TP73: variants seen among roughly 807,000 people sequenced by gnomAD.
The protein encoded by TP73 is tumor protein p73, also known as p53-like transcription factor.
A neutral mutation model predicts 62.5 loss-of-function variants in TP73; 25 were observed. The observed-to-expected ratio is 0.40, with a 90% CI of 0.29 to 0.56. TP73 has a LOEUF of 0.56. Among genes scored for constraint, TP73 ranks in the 20% least tolerant of loss-of-function variants. TP73 has a pLI of 0.46. For synonymous variants in TP73, 423 were observed against 377.5 expected (o/e 1.12, Z -1.40); for missense variants, 754 against 913.3 (o/e 0.83, Z 2.25).
intron 7 of TP73, 137 bp from the exon 8 acceptor site, chr1:3,727,491 G>A (rs780773235): frequency 7.0e-6 from 9 of 1,288,486 alleles, no homozygotes; most frequent in Admixed American, 2.2e-5. Flanking sequence ...GGGAACACTC[G>A]CTGCCGGCAC....
chr1:3,710,839 G>A (rs1374361758), intron 4 of TP73, among the ~76,000 whole-genome samples: 2 of 152,224 alleles, frequency 1.3e-5, no homozygotes, highest in East Asian at 1.9e-4. Context: ...ACAGGCATGC[G>A]TGTACATGCA....
In TP73 at chr1:3,735,000, T is replaced by C. The variant is rs1350538386; in HGVS notation, c.*1921T>C. ...TGCCCACGCCCAGGGCATCAGTCAG[T>C]AGCGGCAGCAGCAGCAGACTCGGGG... is the stretch of plus-strand genomic sequence containing the variant. On this transcript the variant is annotated 3_prime_UTR_variant, in exon 14 of 14. Coordinates refer to ENST00000378295, the MANE Select transcript of TP73 (RefSeq NM_005427.4). The surrounding 1 kb of genome is among the most constrained non-coding windows in gnomAD (Gnocchi z 4.4). 1 of 152,348 alleles carries C rather than the reference T, an allele frequency of 6.6e-6. No individual in the cohort carries two copies. Among genetic ancestry groups the C allele is most frequent in the East Asian group, 1.9e-4 (1 of 5,198 alleles). 9.4% of individuals were successfully genotyped at this position (152,348 alleles called of 1,614,324 possible). A position where few individuals can be genotyped will look rare whatever the true frequency, so the allele number is the denominator to read the frequency against.
intron 3 of TP73, 55 bp downstream of exon 3, chr1:3,683,235 G>C: frequency 6.4e-7 from 1 of 1,551,698 alleles, no homozygotes; most frequent in Non-Finnish European, 8.8e-7. Context: ...AACAAATGTG[G>C]CCTGTCCTGT....
chr1:3,699,199 G>A lies in TP73; in HGVS notation c.187-8350G>A, dbSNP rs778537773. Among the ~76,000 whole-genome samples, 15 of 152,142 alleles carry A rather than the reference G, an allele frequency of 9.9e-5. No individual in the cohort carries two copies. Among genetic ancestry groups the A allele is most frequent in the Non-Finnish European group, 1.8e-4 (12 of 68,022 alleles). ...TTCCATTCGTTTAATCACGGGCTCC[G>A]GGAGATGCTGTGGGAAGTACCGGCA... On this transcript the variant is annotated intron_variant, in intron 3 of 13. Coordinates refer to ENST00000378295, the MANE Select transcript of TP73 (RefSeq NM_005427.4). The surrounding 1 kb of genome is among the most constrained non-coding windows in gnomAD (Gnocchi z 4.1).
chr1:3,666,164 G>T lies in TP73; in HGVS notation c.-34+13523G>T, dbSNP rs1401556921. Among the ~76,000 whole-genome samples, 2 of 146,950 alleles carry T rather than the reference G, an allele frequency of 1.4e-5. No homozygotes were observed. Among genetic ancestry groups the T allele is most frequent in the Non-Finnish European group, 1.5e-5 (1 of 66,946 alleles). On this transcript the variant is annotated intron_variant, in intron 1 of 13. Transcript: ENST00000378295. The surrounding 1 kb of genome is among the most constrained non-coding windows in gnomAD (Gnocchi z 6.4). The stretch of plus-strand genomic sequence containing the variant: ...AAAAAAAAAAAAAGAGAGAGAGAGA[G>T]AGAGAATCTCACTCTGCAGCCTAGG...
intron 9 of TP73, among the ~76,000 whole-genome samples, chr1:3,728,632 T>A (rs1641869431): frequency 6.6e-6 from 1 of 152,234 alleles, no homozygotes; most frequent in Non-Finnish European, 1.5e-5. Flanking sequence ...GGCACAGGCT[T>A]GGCTGGGAGT....
intron 3 of TP73, chr1:3,697,993 A>G (rs1403473318): frequency 1.3e-6 from 1 of 742,628 alleles, no homozygotes; most frequent in Non-Finnish European, 1.6e-6. Flanking sequence ...CCTGCACTGC[A>G]CGTGTCATAA....
chr1:3,667,427 G>A (rs1645144110), intron 1 of TP73, among the ~76,000 whole-genome samples: 1 of 152,222 alleles, frequency 6.6e-6, no homozygotes, highest in Non-Finnish European at 1.5e-5. Flanking sequence ...ACATCCGCAT[G>A]GTCCCCTCTC....
intron 4 of TP73, among the ~76,000 whole-genome samples, chr1:3,717,318 C>T (rs1640687059): frequency 3.9e-5 from 6 of 151,930 alleles, no homozygotes; most frequent in Non-Finnish European, 2.9e-5. Flanking sequence ...TGTACTGGGG[C>T]GGGGGAGGAG....
At chr1:3,729,944 C>T (rs890805540) in intron 10 of TP73, 56 bp from the exon 11 acceptor site, 686 of 1,522,918 alleles carry the variant, frequency 4.5e-4, no homozygotes, top group Middle Eastern at 5.8e-4. Context: ...CATGGGTGGT[C>T]GGTGGGCACG....
intron 1 of TP73, among the ~76,000 whole-genome samples, chr1:3,668,456 A>G (rs1402619434): frequency 6.6e-6 from 1 of 151,936 alleles, no homozygotes; most frequent in Non-Finnish European, 1.5e-5. Flanking sequence ...ACCAGCATTA[A>G]AGATTCAGAA....
chr1:3,708,217 G>A (rs1000018595), intron 4 of TP73: 8 of 205,444 alleles, frequency 3.9e-5, no homozygotes, highest in African/African-American at 1.4e-4. Flanking sequence ...TCCAGGCAGC[G>A]AGACGCATCT....
intron 3 of TP73, among the ~76,000 whole-genome samples, chr1:3,690,425 A>T (rs1467508711): frequency 2.0e-5 from 3 of 152,124 alleles, no homozygotes; most frequent in African/African-American, 7.2e-5. Context: ...CTCAGCCCTC[A>T]TGCCTGGGAA....
intron 3 of TP73, 146 bp from the exon 4 acceptor site, chr1:3,707,403 T>C: frequency 1.7e-6 from 2 of 1,180,348 alleles, no homozygotes; most frequent in Non-Finnish European, 2.4e-6. Context: ...TAGTGGCCTG[T>C]TGGGATGGGG....
At chr1:3,698,483 C>T (rs931363744) in intron 3 of TP73, among the ~76,000 whole-genome samples, 3 of 152,304 alleles carry the variant, frequency 2.0e-5, no homozygotes, top group African/African-American at 7.2e-5. Context: ...GGCTGCCCCT[C>T]GCCACAACCT....
chr1:3,652,982 G>A (rs1644788468), intron 1 of TP73, among the ~76,000 whole-genome samples: 1 of 152,198 alleles, frequency 6.6e-6, no homozygotes, highest in African/African-American at 2.4e-5. Flanking sequence ...AGGGCCGTTG[G>A]GAGGGTAACC....
chr1:3,700,509 T>TA (rs78081454), intron 3 of TP73, among the ~76,000 whole-genome samples: 28 of 151,900 alleles, frequency 1.8e-4, no homozygotes, highest in Non-Finnish European at 2.9e-4. Context: ...CATCTACTTG[T>TA]AAAAAAAATC....
intron 1 of TP73, among the ~76,000 whole-genome samples, chr1:3,667,408 A>G (rs562907242): frequency 1.3e-5 from 2 of 152,348 alleles, no homozygotes; most frequent in East Asian, 3.9e-4. Context: ...CAGAAAACAG[A>G]CAGTGCGCAC....
chr1:3,675,434 A>G (rs1645340967), intron 1 of TP73, among the ~76,000 whole-genome samples: 1 of 152,162 alleles, frequency 6.6e-6, no homozygotes, highest in South Asian at 2.1e-4. Context: ...CCGGAATCAG[A>G]AGTGCATTGA....
Sources: allele counts gnomAD v4.1 joint callset (sites outside exome capture counted in the v4.1 genomes callset), GRCh38; gene constraint gnomAD v4.1.1; non-coding constraint Gnocchi (gnomAD v3.1); transcripts MANE v1.5; gene names NCBI Gene and HGNC (gene_info 2026-07-23, HGNC 2026-07-21).